NEBL: variants seen among roughly 807,000 people sequenced by gnomAD.
The protein encoded by NEBL is nebulette, also known as LIM and SH3 protein 2.
Under a neutral mutation model 140.2 loss-of-function variants are expected in NEBL, and 122 were observed. That is an observed-to-expected ratio of 0.87 (90% confidence interval 0.75 to 1.01). NEBL has a LOEUF of 1.01. NEBL is among the 50% of genes least tolerant of loss of function. The pLI is 0.00. For missense variants in NEBL, 1,365 were observed against 1,231.3 expected (o/e 1.11, Z -1.62); for synonymous variants, 436 against 398.9 (o/e 1.09, Z -1.11).
chr10:21,258,784 CAGG>C (rs757264391), intron 1 of NEBL, among the ~76,000 whole-genome samples: 36 of 152,244 alleles, frequency 2.4e-4, no homozygotes, highest in Non-Finnish European at 3.4e-4. Context: ...GAGGTTGAGG[CAGG>C]AGAATTACTT....
At chr10:21,275,968 CTTTT>C (rs35122753) in intron 1 of NEBL, among the ~76,000 whole-genome samples, 2 of 124,332 alleles carry the variant, frequency 1.6e-5, no homozygotes, top group Non-Finnish European at 1.7e-5. Flanking sequence ...CCAGCCCTTT[CTTTT>C]TTTTTTTTTT....
intron 2 of NEBL, among the ~76,000 whole-genome samples, chr10:21,058,777 G>A (rs916129372): frequency 6.6e-6 from 1 of 152,022 alleles, no homozygotes; most frequent in Non-Finnish European, 1.5e-5. Flanking sequence ...CTGTAAATTG[G>A]TCTAGTATAT....
intron 2 of NEBL, among the ~76,000 whole-genome samples, chr10:21,061,231 A>G (rs138227957): frequency 0.011 from 937 of 83,638 alleles, 15 homozygotes; most frequent in African/African-American, 0.044. Flanking sequence ...GTGGCATTAT[A>G]TATTGTGATA....
intron 4 of NEBL, among the ~76,000 whole-genome samples, chr10:20,921,663 C>T (rs1833582660): frequency 6.6e-6 from 1 of 152,154 alleles, no homozygotes; most frequent in Non-Finnish European, 1.5e-5. Context: ...GCTCTGCAAA[C>T]TCTCTTTATT....
intron 4 of NEBL, among the ~76,000 whole-genome samples, chr10:20,917,387 T>C (rs558027108): frequency 5.8e-4 from 89 of 152,350 alleles, no homozygotes; most frequent in African/African-American, 2.0e-3. Context: ...AAAGAATTTT[T>C]CATCTTTTTC....
rs141647001 is a variant in NEBL, at chr10:21,029,783, C to T, written c.165-9582G>A. 1.7e-5 allele frequency: 13 copies of T among 758,696 alleles called. No individual in the cohort carries two copies. The East Asian group carries it at 3.2e-4, about 19-fold the overall frequency. 47.0% of individuals were successfully genotyped at this position (758,696 alleles called of 1,614,324 possible). On this transcript the variant is annotated intron_variant, in intron 2 of 6. Transcript: ENST00000417816. ...TGGCGGTAGGGATCGCTATGATGAC[C>T]GAGGCAGCAGAGACTATGCTAGAGG...
rs1564556680 is a variant in NEBL, at chr10:21,288,768, A to AAAAACAAGAAAAAG, written n.182+4061_182+4062insCTTTTTCTTGTTTT. Among the ~76,000 whole-genome samples, 4 of 118,950 alleles carry AAAAACAAGAAAAAG rather than the reference A, an allele frequency of 3.4e-5. 1 individual carries two copies. The highest frequency in any genetic ancestry group is 6.8e-5 in the Non-Finnish European group (4 of 59,072). The allele number at this position is 118,950 out of a possible 152,430, so 78.0% of individuals were successfully genotyped here. A position where few individuals can be genotyped will look rare whatever the true frequency, so the allele number is the denominator to read the frequency against. On this transcript the variant is annotated intron_variant and non_coding_transcript_variant, in intron 1 of 8. Transcript: ENST00000675702. The stretch of plus-strand genomic sequence containing the variant: ...GAGCGAGACTCCATCGCCAAAAAAA[A>AAAAACAAGAAAAAG]AAAAAAGAAAAAGAAAATTATTACC...
Position 21,125,688 on chromosome 10 carries a change from C to T in NEBL, c.164+46695G>A, listed in dbSNP as rs182321216. 2.2e-4 allele frequency: 132 copies of T among 590,404 alleles called. 2 individuals are homozygous for T. The African/African-American group carries it at 2.3e-3, about 10-fold the overall frequency. 36.6% of individuals were successfully genotyped at this position (590,404 alleles called of 1,614,324 possible). A position where few individuals can be genotyped will look rare whatever the true frequency, so the allele number is the denominator to read the frequency against. ...TGCCAAAATGAGAAATAAAAGCACACTCCTTCCTCCCTGCACCCTACAGAG... is the reference window on the plus strand; with the variant it reads ...TGCCAAAATGAGAAATAAAAGCACATTCCTTCCTCCCTGCACCCTACAGAG... On this transcript the variant is annotated intron_variant, in intron 2 of 6. Transcript: ENST00000417816.
At chr10:21,029,133 T>A (rs1447279757) in intron 2 of NEBL, 23 of 1,297,676 alleles carry the variant, frequency 1.8e-5, no homozygotes, top group Admixed American at 3.4e-5. Context: ...ATGCAACAGA[T>A]GACCTGGAAG....
intron 25 of NEBL, among the ~76,000 whole-genome samples, 183 bp from the exon 26 acceptor site, chr10:20,808,842 C>G (rs1837865601): frequency 6.6e-6 from 1 of 152,178 alleles, no homozygotes; most frequent in Non-Finnish European, 1.5e-5. Flanking sequence ...ACATGAATAA[C>G]TTAACCATCG....
intron 3 of NEBL, among the ~76,000 whole-genome samples, chr10:21,193,879 T>C (rs1841612712): frequency 6.6e-6 from 1 of 152,230 alleles, no homozygotes; most frequent in East Asian, 1.9e-4. Flanking sequence ...CACATGCATA[T>C]TATTTTTAAA....
chr10:20,851,209 CAT>C (rs1163717886), intron 10 of NEBL, among the ~76,000 whole-genome samples: 1 of 151,980 alleles, frequency 6.6e-6, no homozygotes, highest in African/African-American at 2.4e-5. Flanking sequence ...AAATTAAACT[CAT>C]AGAAGTTTTT....
chr10:21,176,101 C>G (rs553583245), upstream of NEBL, among the ~76,000 whole-genome samples: 2 of 152,166 alleles, frequency 1.3e-5, no homozygotes, highest in East Asian at 3.9e-4. Context: ...CTCCCAGGCT[C>G]AGGTGATCCT....
chr10:20,878,671 T>A (rs751140562), intron 5 of NEBL, among the ~76,000 whole-genome samples: 3 of 152,216 alleles, frequency 2.0e-5, no homozygotes, highest in Non-Finnish European at 2.9e-5. Context: ...TCATTCTCAC[T>A]TTAAATCTGA....
chr10:21,013,457 CA>C lies in NEBL; in HGVS notation c.249+6659del, dbSNP rs548703252. 2.6e-5 allele frequency among the ~76,000 whole-genome samples: 4 copies of C among 152,158 alleles called. No individual in the cohort carries two copies. In the East Asian group the frequency reaches 7.7e-4, roughly 29 times the overall value. ...AGTGTAAAGCTGCCAAAATGGCGTT[CA>C]AAGAAAAGAGAAAGTTAGGAGGCAA... is the stretch of plus-strand genomic sequence containing the variant. On this transcript the variant is annotated intron_variant, in intron 3 of 6. Coordinates refer to the NEBL transcript ENST00000417816.
intron 3 of NEBL, among the ~76,000 whole-genome samples, chr10:21,228,255 G>C (rs1416012616): frequency 6.6e-6 from 1 of 151,998 alleles, no homozygotes; most frequent in Non-Finnish European, 1.5e-5. Context: ...CTGAAGTCAC[G>C]CAATGCTCCC....
At chr10:21,281,342 T>C (rs1242602410) in intron 1 of NEBL, among the ~76,000 whole-genome samples, 3 of 151,932 alleles carry the variant, frequency 2.0e-5, no homozygotes, top group South Asian at 4.2e-4. Flanking sequence ...TGTGTGTTTT[T>C]AGAGAGAAGG....
intron 4 of NEBL, among the ~76,000 whole-genome samples, chr10:20,904,138 G>A (rs1847992048): frequency 6.6e-6 from 1 of 152,156 alleles, no homozygotes; most frequent in Admixed American, 6.5e-5. Context: ...ATCTTCTGCT[G>A]TACTGACCTA....
chr10:21,146,984 C>T (rs761494868), intron 2 of NEBL, among the ~76,000 whole-genome samples: 26 of 152,210 alleles, frequency 1.7e-4, no homozygotes, highest in Non-Finnish European at 3.5e-4. Context: ...CAAGGTCCTC[C>T]CTGCCATAAC....
Sources: gnomAD v4.1 joint callset for allele counts (sites outside exome capture counted in the v4.1 genomes callset) on GRCh38, gnomAD v4.1.1 for gene constraint, MANE v1.5 for transcripts, NCBI Gene and HGNC (gene_info 2026-07-23, HGNC 2026-07-21) for gene names.